The following ANKFN1 variants were observed in gnomAD, a reference collection of about 807,000 sequenced individuals.
The protein encoded by ANKFN1 is ankyrin repeat and fibronectin type-III domain-containing protein 1.
ANKFN1 carries 74 observed loss-of-function variants against 108.7 expected under a neutral mutation model. The ratio of observed to expected loss-of-function variants is 0.68; its 90% CI spans 0.56 to 0.83. ANKFN1 has a LOEUF of 0.83. ANKFN1 is among the 40% of genes least tolerant of loss of function. The pLI, the probability that ANKFN1 is intolerant of heterozygous loss-of-function variation, is 0.00. For synonymous variants in ANKFN1, 547 were observed against 516.2 expected, an observed-to-expected ratio of 1.06 and a Z score of -0.81; for missense variants, 1,505 against 1,382.3, an observed-to-expected ratio of 1.09 and a Z score of -1.41.
In ANKFN1 at chr17:56,466,429, T is replaced by C. The variant is rs751881691; in HGVS notation, c.1631T>C (p.Ile544Thr). Residue 544 changes from isoleucine to threonine, a missense_variant, in exon 15 of 21, where the codon ATA (isoleucine) becomes ACA (threonine). Ile to Thr is a moderately conservative substitution (Grantham distance 89). Coordinates refer to ENST00000682825, the MANE Select transcript of ANKFN1 (RefSeq NM_001370326.1). ...PIKDRHGNIL[I>T]VTIREVEMLY... ...AAAGATCGACATGGAAACATACTCA[T>C]AGTCACCATCAGGGAGGTGGAGATG... The C allele has an allele frequency of 1.2e-6, 2 of 1,614,190 alleles. No individual in the cohort carries two copies. Among genetic ancestry groups the C allele is most frequent in the Non-Finnish European group, 1.7e-6 (2 of 1,180,018 alleles).
At chr17:56,510,239 T>A (rs116086869) in intron 20 of ANKFN1, among the ~76,000 whole-genome samples, 95 of 152,314 alleles carry the variant, frequency 6.2e-4, no homozygotes, top group African/African-American at 2.2e-3. Context: ...TTCCTCTCTT[T>A]CCTTTCCCTT....
chr17:56,329,617 T>G (rs1370369498), intron 4 of ANKFN1, among the ~76,000 whole-genome samples: 1 of 152,200 alleles, frequency 6.6e-6, no homozygotes, highest in Non-Finnish European at 1.5e-5. Context: ...TACTACTCTT[T>G]AATAGTGCCT....
At chr17:56,380,170 A>G (rs142340645) in intron 8 of ANKFN1, among the ~76,000 whole-genome samples, 3 of 152,226 alleles carry the variant, frequency 2.0e-5, no homozygotes, top group Non-Finnish European at 2.9e-5. Flanking sequence ...TAGATATTCT[A>G]TACTTCCTAT....
At chr17:56,054,420 G>A (rs553294826) in intron 4 of ANKFN1, among the ~76,000 whole-genome samples, 1 of 152,298 alleles carries the variant, frequency 6.6e-6, no homozygotes, top group African/African-American at 2.4e-5. Flanking sequence ...CCTGATGCCT[G>A]TTACAGGCAT....
intron 8 of ANKFN1, among the ~76,000 whole-genome samples, chr17:56,388,428 A>C (rs942859660): frequency 6.6e-6 from 1 of 152,180 alleles, no homozygotes; most frequent in Non-Finnish European, 1.5e-5. Context: ...CACTGCACCC[A>C]GTCAGCTATT....
intron 20 of ANKFN1, among the ~76,000 whole-genome samples, chr17:56,505,080 C>T (rs931709666): frequency 6.6e-6 from 1 of 152,084 alleles, no homozygotes; most frequent in African/African-American, 2.4e-5. Flanking sequence ...CAGTAGTTAG[C>T]AAGACAGGAC....
chr17:56,352,470 C>T (rs1027427503), intron 5 of ANKFN1, among the ~76,000 whole-genome samples: 3 of 152,108 alleles, frequency 2.0e-5, no homozygotes, highest in Non-Finnish European at 4.4e-5. Context: ...TTTTAAAGAC[C>T]AAGCAACTCT....
At chr17:56,084,813 T>C (rs574081167) in intron 4 of ANKFN1, among the ~76,000 whole-genome samples, 6 of 151,292 alleles carry the variant, frequency 4.0e-5, no homozygotes, top group African/African-American at 1.5e-4. Flanking sequence ...AAAGTGGCTC[T>C]GGGCTGGGGA....
At chr17:56,069,057 G>T (rs1056757314) in intron 4 of ANKFN1, among the ~76,000 whole-genome samples, 2 of 152,186 alleles carry the variant, frequency 1.3e-5, no homozygotes, top group African/African-American at 4.8e-5. Context: ...TGTGTAATTG[G>T]TGGCACATTA....
At chr17:56,242,127 T>C (rs1330023584) in intron 3 of ANKFN1, among the ~76,000 whole-genome samples, 10 of 152,152 alleles carry the variant, frequency 6.6e-5, no homozygotes, top group Admixed American at 6.6e-4. Context: ...GCTGCTGTAA[T>C]TTTTCATAGC....
At chr17:56,161,766 T>TAA (rs879759036) in intron 1 of ANKFN1, among the ~76,000 whole-genome samples, 3 of 135,636 alleles carry the variant, frequency 2.2e-5, no homozygotes, top group African/African-American at 7.8e-5. Context: ...TAGATTTCAG[T>TAA]AAAAAAAAAA....
chr17:56,424,284 T>C (rs1286023727), intron 8 of ANKFN1, among the ~76,000 whole-genome samples: 2 of 152,216 alleles, frequency 1.3e-5, no homozygotes, highest in African/African-American at 4.8e-5. Context: ...TCTCTACAAC[T>C]GCTGTTTTCG....
chr17:56,291,470 C>T (rs770924535), intron 3 of ANKFN1, among the ~76,000 whole-genome samples: 1 of 152,130 alleles, frequency 6.6e-6, no homozygotes, highest in Non-Finnish European at 1.5e-5. Flanking sequence ...CCTTCTGATA[C>T]CCAGATGTCT....
At chr17:56,259,909 AACACACACACAC>A (rs34951336) in intron 3 of ANKFN1, among the ~76,000 whole-genome samples, 3 of 139,048 alleles carry the variant, frequency 2.2e-5, no homozygotes, top group South Asian at 2.4e-4. Context: ...CCCACCTCCA[AACACACACACAC>A]ACACACACAC....
intron 5 of ANKFN1, 65 bp downstream of exon 5, chr17:56,351,032 A>T: frequency 6.7e-7 from 1 of 1,496,802 alleles, no homozygotes; most frequent in East Asian, 2.3e-5. Flanking sequence ...GTTTAAGGAT[A>T]TTCTAAGATG....
At chr17:56,170,305 T>A (rs1910531813) in intron 1 of ANKFN1, among the ~76,000 whole-genome samples, 1 of 152,046 alleles carries the variant, frequency 6.6e-6, no homozygotes, top group South Asian at 2.1e-4. Context: ...GATAGACACC[T>A]AAGCCAATAA....
chr17:56,339,455 C>G (rs548415867), intron 4 of ANKFN1, among the ~76,000 whole-genome samples: 34 of 152,170 alleles, frequency 2.2e-4, no homozygotes, highest in Non-Finnish European at 4.4e-4. Flanking sequence ...TCCTCTCCCT[C>G]TTCCTATCCT....
intron 1 of ANKFN1, among the ~76,000 whole-genome samples, chr17:56,196,838 G>T (rs903398029): frequency 6.6e-6 from 1 of 152,190 alleles, no homozygotes; most frequent in African/African-American, 2.4e-5. Context: ...GAATATTAAG[G>T]ACTTGGGAAG....
At chr17:56,112,088 T>G (rs1253027366) in intron 4 of ANKFN1, among the ~76,000 whole-genome samples, 1 of 152,202 alleles carries the variant, frequency 6.6e-6, no homozygotes, top group Admixed American at 6.5e-5. Context: ...TGACAAAAAA[T>G]TGTTATAGTG....
Sources: allele counts gnomAD v4.1 joint callset (sites outside exome capture counted in the v4.1 genomes callset), GRCh38; gene constraint gnomAD v4.1.1; transcripts MANE v1.5; gene names NCBI Gene and HGNC (gene_info 2026-07-23, HGNC 2026-07-21).